Variants in MAML3 observed in about 807,000 individuals in gnomAD.
The protein encoded by MAML3 is mastermind like transcriptional coactivator 3, also known as mastermind-like protein 3.
Under a neutral mutation model 101.9 loss-of-function variants are expected in MAML3, and 27 were observed. That is an observed-to-expected ratio of 0.27 (90% CI 0.20 to 0.37). The LOEUF (loss-of-function observed/expected upper bound fraction) is 0.37, where lower values mean the gene tolerates loss of function less well. MAML3 is among the 10% of genes least tolerant of loss of function. The probability of loss-of-function intolerance (pLI) is 1.00; values close to 1 mark genes in which losing one functional copy is unlikely to be tolerated. For missense variants in MAML3, 1,316 were observed against 1,444.9 expected, an observed-to-expected ratio of 0.91 and a Z score of 1.45; for synonymous variants, 501 against 555.9, an observed-to-expected ratio of 0.90 and a Z score of 1.39.
intron 1 of MAML3, among the ~76,000 whole-genome samples, chr4:140,145,754 T>G (rs900228738): frequency 6.6e-6 from 1 of 151,950 alleles, no homozygotes; most frequent in Non-Finnish European, 1.5e-5. Context: ...TTCGTAGAGA[T>G]GGGGTTTCAC....
intron 1 of MAML3, chr4:140,134,502 G>T (rs1014168406): frequency 1.3e-5 from 5 of 378,094 alleles, no homozygotes; most frequent in African/African-American, 1.1e-4. Context: ...ATTTTTTCAA[G>T]ACCAGTGATT....
At chr4:140,132,103 C>A (rs1046314119) in intron 1 of MAML3, among the ~76,000 whole-genome samples, 2 of 152,230 alleles carry the variant, frequency 1.3e-5, no homozygotes, top group Non-Finnish European at 2.9e-5. Flanking sequence ...GTCCTCAGGC[C>A]CGGCCCACAC....
chr4:140,113,871 C>G (rs1728477141), intron 1 of MAML3, among the ~76,000 whole-genome samples: 1 of 152,196 alleles, frequency 6.6e-6, no homozygotes, highest in African/African-American at 2.4e-5. Flanking sequence ...AGCAATGCTG[C>G]TCTCCAGGCA....
Position 139,923,227 on chromosome 4 carries a change from C to T in MAML3, c.469-32260G>A, listed in dbSNP as rs143562345. ...AGCTCCCCACACCCCGGGATCCAGACGGTGGAAGCTCCACCAAGCAAACAG... is the reference window on the plus strand; with the variant it reads ...AGCTCCCCACACCCCGGGATCCAGATGGTGGAAGCTCCACCAAGCAAACAG... On this transcript the variant is annotated intron_variant, in intron 1 of 4. Coordinates refer to ENST00000509479, the MANE Select transcript of MAML3 (RefSeq NM_018717.5). Among the ~76,000 whole-genome samples, 117 of 152,260 alleles carry T rather than the reference C, an allele frequency of 7.7e-4. 1 individual carries two copies. The highest frequency in any genetic ancestry group is 2.5e-3 in the African/African-American group (105 of 41,534).
chr4:139,848,941 T>A (rs1435631258), intron 2 of MAML3, among the ~76,000 whole-genome samples: 1 of 152,222 alleles, frequency 6.6e-6, no homozygotes, highest in Non-Finnish European at 1.5e-5. Context: ...ATTAGCTGAA[T>A]TGAAAAATGC....
intron 1 of MAML3, among the ~76,000 whole-genome samples, chr4:139,940,053 C>T (rs564196611): frequency 6.6e-5 from 10 of 152,242 alleles, no homozygotes; most frequent in South Asian, 6.2e-4. Context: ...AATGAGCCAC[C>T]GCGTCCAGCC....
chr4:139,784,432 C>T (rs770488920), intron 2 of MAML3, among the ~76,000 whole-genome samples: 4 of 152,148 alleles, frequency 2.6e-5, no homozygotes, highest in Non-Finnish European at 4.4e-5. Flanking sequence ...CACTGCAGGG[C>T]TCTGGGCTTA....
intron 1 of MAML3, among the ~76,000 whole-genome samples, chr4:139,936,725 T>G (rs1733512256): frequency 6.6e-6 from 1 of 152,074 alleles, no homozygotes; most frequent in Non-Finnish European, 1.5e-5. Flanking sequence ...CAACAAAAGT[T>G]GAAAAAAATA....
chr4:139,997,244 C>T (rs1734835754), intron 1 of MAML3, among the ~76,000 whole-genome samples: 1 of 150,996 alleles, frequency 6.6e-6, no homozygotes, highest in Non-Finnish European at 1.5e-5. Flanking sequence ...GTTGTTCCTC[C>T]TTTACTGCTT....
At chr4:140,134,466 A>C (rs1235867600) in intron 1 of MAML3, 1 of 443,216 alleles carries the variant, frequency 2.3e-6, no homozygotes, top group African/African-American at 2.0e-5. Context: ...CAGATTTGTA[A>C]ACAGATCTAT....
intron 1 of MAML3, among the ~76,000 whole-genome samples, chr4:140,127,139 C>T (rs546222810): frequency 3.3e-5 from 5 of 152,232 alleles, no homozygotes; most frequent in East Asian, 1.9e-4. Context: ...AGGCCCTCCA[C>T]GTCCTAATGC....
chr4:140,119,311 A>G (rs940250229), intron 1 of MAML3, among the ~76,000 whole-genome samples: 3 of 152,306 alleles, frequency 2.0e-5, no homozygotes, highest in Admixed American at 2.0e-4. Flanking sequence ...TTGCCCACTC[A>G]CTTCAGGAGG....
chr4:139,993,985 ACT>A (rs1194823555), intron 1 of MAML3, among the ~76,000 whole-genome samples: 1 of 152,198 alleles, frequency 6.6e-6, no homozygotes, highest in Admixed American at 6.5e-5. Flanking sequence ...TAACTTTTAC[ACT>A]GAGGCCAAAT....
At chr4:139,954,264 A>G (rs1352390118) in intron 1 of MAML3, among the ~76,000 whole-genome samples, 1 of 152,252 alleles carries the variant, frequency 6.6e-6, no homozygotes, top group African/African-American at 2.4e-5. Flanking sequence ...ACCCCCTGCA[A>G]AATGACATTA....
intron 2 of MAML3, among the ~76,000 whole-genome samples, chr4:139,801,748 T>C (rs1730613396): frequency 1.3e-5 from 2 of 151,902 alleles, no homozygotes; most frequent in Admixed American, 6.6e-5. Context: ...CTTTGGAACT[T>C]ACGGGTAGCA....
At chr4:139,915,223 G>A (rs148298828) in intron 1 of MAML3, among the ~76,000 whole-genome samples, 1 of 152,316 alleles carries the variant, frequency 6.6e-6, no homozygotes, top group Non-Finnish European at 1.5e-5. Context: ...TACTACATTT[G>A]TCAGTTGGCA....
At chr4:140,149,532 C>T (rs781183845) in intron 1 of MAML3, among the ~76,000 whole-genome samples, 26 of 152,186 alleles carry the variant, frequency 1.7e-4, no homozygotes, top group Non-Finnish European at 3.5e-4. Context: ...CATTAGACTG[C>T]CTTCTTAATC....
At chr4:139,870,598 T>C (rs1012946106) in intron 2 of MAML3, among the ~76,000 whole-genome samples, 5 of 152,226 alleles carry the variant, frequency 3.3e-5, no homozygotes, top group Admixed American at 2.6e-4. Flanking sequence ...GAGCCTTATT[T>C]CAAGGCTCCC....
chr4:140,152,948 G>A lies in MAML3; in HGVS notation c.380C>T (p.Ala127Val), dbSNP rs756901595. Residue 127 changes from alanine to valine, a missense_variant, in exon 1 of 5, where the codon GCC (alanine) becomes GTC (valine). Transcript: ENST00000509479. ...CGGGTGCTGCTGTTTGCCGGTGCCG[G>A]CGCCCGATTTCTTGGCCCTCTGCTC... ...TLEQRAKKSG[A>V]GTGKQQHPSK... The A allele has an allele frequency of 1.9e-6, 3 of 1,612,316 alleles. No homozygotes were observed. Among genetic ancestry groups the A allele is most frequent in the Non-Finnish European group, 2.5e-6 (3 of 1,179,472 alleles).
Sources: gnomAD v4.1 joint callset for allele counts (sites outside exome capture counted in the v4.1 genomes callset) on GRCh38, gnomAD v4.1.1 for gene constraint, MANE v1.5 for transcripts, NCBI Gene and HGNC (gene_info 2026-07-23, HGNC 2026-07-21) for gene names.